The following CBX8 variants were observed in gnomAD, a reference collection of about 807,000 sequenced individuals.
CBX8 encodes chromobox 8, also known as chromobox protein homolog 8.
In CBX8, 8 loss-of-function variants were observed where a neutral mutation model predicts 39.7. That is an observed-to-expected ratio of 0.20 (90% CI 0.12 to 0.36). CBX8 has a LOEUF of 0.36. CBX8 is among the 10% of genes least tolerant of loss of function. The probability of loss-of-function intolerance (pLI) is 1.00; values close to 1 mark genes in which losing one functional copy is unlikely to be tolerated. For synonymous variants in CBX8, 268 were observed against 219.8 expected, an observed-to-expected ratio of 1.22 and a Z score of -1.94; for missense variants, 505 against 529.6, an observed-to-expected ratio of 0.95 and a Z score of 0.46.
rs1278298309 is a variant in CBX8 at position 79,796,096 on chromosome 17, G to A, written c.207C>T (p.Pro69=). The A allele has an allele frequency of 6.2e-7, 1 of 1,614,084 alleles. No homozygotes were observed. Among genetic ancestry groups the A allele is most frequent in the East Asian group, 2.2e-5 (1 of 44,896 alleles). ...EREREMELYG[P]KKRGPKPKTF... Reference sequence around the variant, plus strand: ...TTTTGGGCTTGGGTCCACGCTTTTTGGGGCCATAGAGCTCCATCTCTCTTT... The same window carrying A: ...TTTTGGGCTTGGGTCCACGCTTTTTAGGGCCATAGAGCTCCATCTCTCTTT... The change falls in exon 4 of 5, where the codon CCC becomes CCT. Residue 69 remains proline (P), a synonymous_variant. Transcript: ENST00000269385.
In CBX8 at chr17:79,792,618, G is replaced by C. The variant is rs954151199; in HGVS notation, c.*2017C>G. The C allele has an allele frequency of 6.6e-6, 1 of 152,220 alleles. No homozygotes were observed. The highest frequency in any genetic ancestry group is 2.4e-5 in the African/African-American group (1 of 41,450). The allele number at this position is 152,220 out of a possible 1,614,324, so 9.4% of individuals were successfully genotyped here. ...TTCAGTGAAGTTTCATCTGAAAATA[G>C]CATCGACATTTAAATAGATACACTC... On this transcript the variant is annotated 3_prime_UTR_variant, in exon 5 of 5. Coordinates refer to ENST00000269385, the MANE Select transcript of CBX8 (RefSeq NM_020649.3).
chr17:79,795,067 A>G lies in CBX8; in HGVS notation c.738T>C (p.Ser246=). Residue 246 remains serine, a synonymous_variant, in exon 5 of 5, where the codon AGT becomes AGC. Coordinates refer to ENST00000269385, the MANE Select transcript of CBX8 (RefSeq NM_020649.3). This position sits in a 1 kb window ranked among gnomAD's most constrained non-coding sequence, Gnocchi z 5.8. ...SGAGKFPAGH[S]VIQLARRQDS... ...CCTGTCTTCGGGCCAGCTGGATCAC[A>G]CTGTGGCCGGCTGGAAACTTTCCTG... The G allele has an allele frequency of 6.2e-7, 1 of 1,608,792 alleles. No individual in the cohort carries two copies. Among genetic ancestry groups the G allele is most frequent in the Non-Finnish European group, 8.5e-7 (1 of 1,177,590 alleles).
rs200134960 is a variant in CBX8 at position 79,794,739 on chromosome 17, T to C, written c.1066A>G (p.Thr356Ala). Residue 356 changes from threonine to alanine, a missense_variant, in exon 5 of 5, where the codon ACT (threonine) becomes GCT (alanine). By Grantham distance (58) the Thr-to-Ala change is moderately conservative. Coordinates refer to ENST00000269385, the MANE Select transcript of CBX8 (RefSeq NM_020649.3). ...GTGACCACCACCTTCTCCAGGTTAG[T>C]CAGGGAGGGGCTCCAGGACTCTTCC... Reference protein sequence around the residue: ...PEEESWSPSLTNLEKVVVTDV... With the variant: ...PEEESWSPSLANLEKVVVTDV... The C allele has an allele frequency of 1.2e-6, 2 of 1,613,298 alleles. No individual in the cohort carries two copies. The highest frequency in any genetic ancestry group is 2.2e-5 in the East Asian group (1 of 44,860).
intron 3 of CBX8, 32 bp downstream of exon 3, chr17:79,796,218 A>G (rs755248388): frequency 1.2e-6 from 2 of 1,613,884 alleles, no homozygotes; most frequent in Non-Finnish European, 8.5e-7. Flanking sequence ...CTTGTTTCTA[A>G]GTGAGCGGCT....
Position 79,795,647 on chromosome 17 carries a change from C to T in CBX8, c.247-89G>A. 3.1e-6 allele frequency: 2 copies of T among 646,112 alleles called. No homozygotes were observed. Among genetic ancestry groups the T allele is most frequent in the Non-Finnish European group, 4.1e-6 (2 of 489,310 alleles). The allele number at this position is 646,112 out of a possible 1,614,324, so 40.0% of individuals were successfully genotyped here. ...CTCTATCCCTGACCTCCTATCTTTA[C>T]CCTATGATGCCTGGGAATTTCTACA... On this transcript the variant is annotated intron_variant, in intron 4 of 4. Transcript: ENST00000269385. The surrounding 1 kb of genome is among the most constrained non-coding windows in gnomAD (Gnocchi z 5.8).
chr17:79,795,991 T>C lies in CBX8; in HGVS notation c.246+66A>G. On this transcript the variant is annotated intron_variant, in intron 4 of 4. Transcript: ENST00000269385. This position sits in a 1 kb window ranked among gnomAD's most constrained non-coding sequence, Gnocchi z 5.8. ...TGGACACCCCATTGGCTCACAGCCC[T>C]CAGAGCCCCCTTCCCACAAATCACT... 1.3e-6 allele frequency: 2 copies of C among 1,484,390 alleles called. No homozygotes were observed. Among genetic ancestry groups the C allele is most frequent in the Non-Finnish European group, 9.4e-7 (1 of 1,066,208 alleles). The allele number at this position is 1,484,390 out of a possible 1,614,324, so 92.0% of individuals were successfully genotyped here.
chr17:79,797,056 G>C lies in CBX8; in HGVS notation c.-58C>G. ...CAGGAGCAGAAAAGCAGCAGCCAGC[G>C]CACGACAGACCATAATACTCTCCCG... On this transcript the variant is annotated 5_prime_UTR_variant, in exon 1 of 5. Coordinates refer to ENST00000269385, the MANE Select transcript of CBX8 (RefSeq NM_020649.3). 1.3e-6 allele frequency: 2 copies of C among 1,535,844 alleles called. No homozygotes were observed. The highest frequency in any genetic ancestry group is 2.4e-5 in the East Asian group (1 of 41,464).
intron 1 of CBX8, 63 bp downstream of exon 1, chr17:79,796,867 G>C: frequency 2.7e-6 from 4 of 1,476,766 alleles, no homozygotes; most frequent in Non-Finnish European, 3.7e-6. Context: ...AGCAGGGGGA[G>C]GGAACCCGGG....
In CBX8 at chr17:79,794,937, C is replaced by T; in HGVS notation, c.868G>A (p.Ala290Thr). The change falls in exon 5 of 5, where the codon GCC becomes ACC. Residue 290 changes from alanine (A) to threonine (T), a missense_variant. Coordinates refer to ENST00000269385, the MANE Select transcript of CBX8 (RefSeq NM_020649.3). ...CCCTGGCCTTTGGCCTCCAGGAAGG[C>T]AGCCCTGTGCTTTATCACCCTGGCC... is the stretch of plus-strand genomic sequence containing the variant. ...FPARVIKHRA[A>T]FLEAKGQGAL... 6.2e-7 allele frequency: 1 copy of T among 1,607,330 alleles called. No individual in the cohort carries two copies. The highest frequency in any genetic ancestry group is 8.5e-7 in the Non-Finnish European group (1 of 1,176,474).
Position 79,792,390 on chromosome 17 carries a change from C to T in CBX8, c.*2245G>A, listed in dbSNP as rs893333839. ...CAAGAGCGAGAGAAGGAGACACATA[C>T]ACACACGGCCACGGACAAACAGCAG... On this transcript the variant is annotated 3_prime_UTR_variant, in exon 5 of 5. Coordinates refer to ENST00000269385, the MANE Select transcript of CBX8 (RefSeq NM_020649.3). 1.6e-5 allele frequency: 2 copies of T among 126,456 alleles called. No homozygotes were observed. Among genetic ancestry groups the T allele is most frequent in the Non-Finnish European group, 3.2e-5 (2 of 62,406 alleles). 7.8% of individuals were successfully genotyped at this position (126,456 alleles called of 1,614,324 possible).
At chr17:79,796,195 A>C in intron 3 of CBX8, 55 bp downstream of exon 3, 1 of 1,613,006 alleles carries the variant, frequency 6.2e-7, no homozygotes, top group Non-Finnish European at 8.5e-7. Context: ...CAGGCTGGAA[A>C]GAAGCCACTC....
In CBX8 at chr17:79,797,058, A is replaced by C; in HGVS notation, c.-60T>G. On this transcript the variant is annotated 5_prime_UTR_variant, in exon 1 of 5. Coordinates refer to ENST00000269385, the MANE Select transcript of CBX8 (RefSeq NM_020649.3). ...GGAGCAGAAAAGCAGCAGCCAGCGC[A>C]CGACAGACCATAATACTCTCCCGCT... The C allele has an allele frequency of 1.3e-6, 2 of 1,524,118 alleles. No homozygotes were observed. 94.4% of individuals were successfully genotyped at this position (1,524,118 alleles called of 1,614,324 possible). A position where few individuals can be genotyped will look rare whatever the true frequency, so the allele number is the denominator to read the frequency against.
In CBX8 at chr17:79,797,056, G is replaced by A. The variant is rs1486503700; in HGVS notation, c.-58C>T. On this transcript the variant is annotated 5_prime_UTR_variant, in exon 1 of 5. Transcript: ENST00000269385. ...CAGGAGCAGAAAAGCAGCAGCCAGC[G>A]CACGACAGACCATAATACTCTCCCG... The A allele has an allele frequency of 1.3e-6, 2 of 1,535,844 alleles. No individual in the cohort carries two copies. Among genetic ancestry groups the A allele is most frequent in the Admixed American group, 3.6e-5 (2 of 55,186 alleles).
At position 79,792,241 on chromosome 17, in the gene CBX8, C is replaced by T. The variant is rs1172341377; in HGVS notation, c.*2394G>A. 6.6e-6 allele frequency: 1 copy of T among 152,214 alleles called. No homozygotes were observed. The highest frequency in any genetic ancestry group is 1.5e-5 in the Non-Finnish European group (1 of 68,048). The allele number at this position is 152,214 out of a possible 1,614,324, so 9.4% of individuals were successfully genotyped here. A position where few individuals can be genotyped will look rare whatever the true frequency, so the allele number is the denominator to read the frequency against. On this transcript the variant is annotated 3_prime_UTR_variant, in exon 5 of 5. Coordinates refer to ENST00000269385, the MANE Select transcript of CBX8 (RefSeq NM_020649.3). The stretch of plus-strand genomic sequence containing the variant: ...TTCACTCTTGAGCTGAGGCGGAGAT[C>T]GATTGGAGATTTGTACAAATCTTAG...
At chr17:79,796,465 C>A (rs1194162726) in intron 2 of CBX8, 32 bp downstream of exon 2, 2 of 1,613,824 alleles carry the variant, frequency 1.2e-6, no homozygotes, top group South Asian at 1.1e-5. Flanking sequence ...GAATAACAGT[C>A]TGGGGTTGAG....
In CBX8 at chr17:79,795,884, C is replaced by G. The variant is rs1200942528; in HGVS notation, c.246+173G>C. ...ATTCTAGTGTGGCCAAGCCCGTCCC[C>G]CCAGACACAGTTGGTGCTGCTACTG... On this transcript the variant is annotated intron_variant, in intron 4 of 4. Transcript: ENST00000269385. This position sits in a 1 kb window ranked among gnomAD's most constrained non-coding sequence, Gnocchi z 5.8. 6.6e-6 allele frequency among the ~76,000 whole-genome samples: 1 copy of G among 152,156 alleles called. No individual in the cohort carries two copies. Among genetic ancestry groups the G allele is most frequent in the Non-Finnish European group, 1.5e-5 (1 of 68,008 alleles).
Position 79,794,606 on chromosome 17 carries a change from C to T in CBX8, c.*29G>A, listed in dbSNP as rs200864050. 8.7e-6 allele frequency: 13 copies of T among 1,491,186 alleles called. No homozygotes were observed. The African/African-American group carries it at 1.4e-4, about 16-fold the overall frequency. 92.4% of individuals were successfully genotyped at this position (1,491,186 alleles called of 1,614,324 possible). On this transcript the variant is annotated 3_prime_UTR_variant, in exon 5 of 5. Coordinates refer to ENST00000269385, the MANE Select transcript of CBX8 (RefSeq NM_020649.3). ...AAGCTCACGCTCACTCTCTCCCCTG[C>T]TCTCCTCCTGGACACACCCACCCAG...
At chr17:79,796,426 A>C in intron 2 of CBX8, 71 bp downstream of exon 2, 2 of 1,603,462 alleles carry the variant, frequency 1.2e-6, no homozygotes, top group Non-Finnish European at 1.7e-6. Context: ...TTCAATGTAA[A>C]GGCAAAAAGA....
Position 79,795,069 on chromosome 17 carries a change from T to C in CBX8, c.736A>G (p.Ser246Gly), listed in dbSNP as rs1268802639. Residue 246 changes from serine (S) to glycine (G), a missense_variant, in exon 5 of 5, where the codon AGT (serine) becomes GGT (glycine). This residue lies in a region of CBX8 where 456 missense variants were observed against 389.2 expected (regional missense o/e 1.17). Transcript: ENST00000269385. This position sits in a 1 kb window ranked among gnomAD's most constrained non-coding sequence, Gnocchi z 5.8. ...TGTCTTCGGGCCAGCTGGATCACAC[T>C]GTGGCCGGCTGGAAACTTTCCTGCC... Reference protein sequence around the residue: ...SGAGKFPAGHSVIQLARRQDS... With the variant: ...SGAGKFPAGHGVIQLARRQDS... 2 of 1,609,042 alleles carry C rather than the reference T, an allele frequency of 1.2e-6. No individual in the cohort carries two copies. Among genetic ancestry groups the C allele is most frequent in the South Asian group, 1.1e-5 (1 of 90,060 alleles).
Sources: allele counts gnomAD v4.1 joint callset (sites outside exome capture counted in the v4.1 genomes callset), GRCh38; gene constraint gnomAD v4.1.1; regional missense constraint gnomAD v4.1.1; non-coding constraint Gnocchi (gnomAD v3.1); transcripts MANE v1.5; gene names NCBI Gene and HGNC (gene_info 2026-07-23, HGNC 2026-07-21).